The following ZFAT variants were observed in gnomAD, a reference collection of about 807,000 sequenced individuals.
The protein encoded by ZFAT is zinc finger protein ZFAT.
Under a neutral mutation model 117.7 loss-of-function variants are expected in ZFAT, and 64 were observed. That is an observed-to-expected ratio of 0.54 (90% CI 0.44 to 0.67). ZFAT has a LOEUF of 0.67. Ranked by LOEUF, ZFAT falls within the 30% of genes least tolerant of loss-of-function variation. The probability of loss-of-function intolerance (pLI) is 0.00; values close to 1 mark genes in which losing one functional copy is unlikely to be tolerated. For missense variants in ZFAT, 1,433 were observed against 1,584.5 expected (o/e 0.90, Z 1.62); for synonymous variants, 679 against 615.0 (o/e 1.10, Z -1.54).
At chr8:134,818,824 G>A in the ZFAT span, among the ~76,000 whole-genome samples, 1 of 152,190 alleles carries the variant, frequency 6.6e-6, no homozygotes, top group Non-Finnish European at 1.5e-5. Flanking sequence ...ATAATGCTGG[G>A]TGAAAGTAGC....
the ZFAT span, among the ~76,000 whole-genome samples, chr8:134,749,693 C>T: frequency 5.6e-4 from 85 of 152,236 alleles, no homozygotes; most frequent in Admixed American, 3.6e-3. Context: ...TCAATGTTTC[C>T]AATATGAACA....
At chr8:134,736,175 A>G in the ZFAT span, among the ~76,000 whole-genome samples, 2 of 152,104 alleles carry the variant, frequency 1.3e-5, no homozygotes, top group Non-Finnish European at 2.9e-5. Flanking sequence ...CAGTTACTAA[A>G]ATGGAAGTAC....
intron 12 of ZFAT, among the ~76,000 whole-genome samples, chr8:134,523,339 T>C (rs1480125760): frequency 6.6e-6 from 1 of 152,140 alleles, no homozygotes; most frequent in Non-Finnish European, 1.5e-5. Flanking sequence ...AACTAATGAC[T>C]TTCCTATTTG....
chr8:134,549,938 C>T (rs1586689480), intron 11 of ZFAT, among the ~76,000 whole-genome samples: 1 of 152,080 alleles, frequency 6.6e-6, no homozygotes, highest in Non-Finnish European at 1.5e-5. Flanking sequence ...AAGAGGCCCT[C>T]GGACCTCTTC....
chr8:134,566,106 G>GGTTTTA (rs1824440804), intron 10 of ZFAT, among the ~76,000 whole-genome samples: 1 of 152,114 alleles, frequency 6.6e-6, no homozygotes, highest in Non-Finnish European at 1.5e-5. Flanking sequence ...AAAAGATTAA[G>GGTTTTA]GTTTTAGGCC....
intron 1 of ZFAT, among the ~76,000 whole-genome samples, chr8:134,694,403 G>A (rs1297712868): frequency 1.3e-5 from 2 of 152,226 alleles, no homozygotes; most frequent in Non-Finnish European, 2.9e-5. Context: ...CCAAATGGCT[G>A]AGACAGAGGA....
At chr8:134,776,520 GTTT>G in the ZFAT span, among the ~76,000 whole-genome samples, 16 of 152,056 alleles carry the variant, frequency 1.1e-4, no homozygotes, top group African/African-American at 3.9e-4. Flanking sequence ...CCGAGGCTTC[GTTT>G]TTTGTTGTTG....
At chr8:134,692,581 C>T (rs1297307013) in intron 1 of ZFAT, among the ~76,000 whole-genome samples, 5 of 152,210 alleles carry the variant, frequency 3.3e-5, no homozygotes, top group Admixed American at 3.3e-4. Context: ...CAAAATTCAC[C>T]TAGTCAAAGG....
chr8:134,776,413 C>A, the ZFAT span, among the ~76,000 whole-genome samples: 1 of 152,220 alleles, frequency 6.6e-6, no homozygotes, highest in Admixed American at 6.5e-5. Context: ...AAGCGATTCT[C>A]CCACCTCAGC....
At chr8:134,816,059 T>G in the ZFAT span, among the ~76,000 whole-genome samples, 1 of 152,312 alleles carries the variant, frequency 6.6e-6, no homozygotes, top group South Asian at 2.1e-4. Context: ...AAATATTTAC[T>G]GAATAAATAA....
chr8:134,479,227 A>ATTC (rs2129986227), intron 15 of ZFAT, among the ~76,000 whole-genome samples: 1 of 152,330 alleles, frequency 6.6e-6, no homozygotes, highest in African/African-American at 2.4e-5. Flanking sequence ...TCACACTAGG[A>ATTC]AGGAGCAGAC....
intron 5 of ZFAT, among the ~76,000 whole-genome samples, chr8:134,603,303 G>A (rs966819315): frequency 1.4e-4 from 21 of 152,288 alleles, no homozygotes; most frequent in African/African-American, 4.6e-4. Flanking sequence ...AAAGAGGGAG[G>A]CAAGAGAAGG....
chr8:134,643,728 C>T (rs571927629), intron 2 of ZFAT, among the ~76,000 whole-genome samples: 12 of 152,276 alleles, frequency 7.9e-5, no homozygotes, highest in African/African-American at 2.4e-4. Flanking sequence ...GCCCTGAGCA[C>T]GTTTTATGTT....
At chr8:134,695,816 A>C (rs10108317) in intron 1 of ZFAT, among the ~76,000 whole-genome samples, 120,952 of 137,404 alleles carry the variant, frequency 0.88, 53,024 homozygotes, top group African/African-American at 0.94. Flanking sequence ...CCAGGCCCTG[A>C]CTGCGTCTCT....
the ZFAT span, among the ~76,000 whole-genome samples, chr8:134,774,332 A>G: frequency 2.0e-5 from 3 of 152,184 alleles, no homozygotes; most frequent in African/African-American, 4.8e-5. Context: ...TATTGTAGGT[A>G]AAATGGTATC....
chr8:134,664,889 T>C (rs757352739), intron 1 of ZFAT, among the ~76,000 whole-genome samples: 15 of 152,232 alleles, frequency 9.9e-5, no homozygotes, highest in Non-Finnish European at 1.9e-4. Context: ...AAATGACATA[T>C]TCAGCACAAA....
the ZFAT span, chr8:134,797,836 A>G: frequency 2.6e-5 from 4 of 152,006 alleles, no homozygotes; most frequent in South Asian, 8.3e-4. Context: ...AATTAAAAAA[A>G]TAAAAATACC....
At chr8:134,650,378 A>T (rs1831169283) in intron 2 of ZFAT, among the ~76,000 whole-genome samples, 1 of 152,044 alleles carries the variant, frequency 6.6e-6, no homozygotes, top group Non-Finnish European at 1.5e-5. Context: ...CGCCCACCTC[A>T]GCTTCCCAAA....
Position 134,478,789 on chromosome 8 carries a change from A to T in ZFAT, c.3493-68T>A, listed in dbSNP as rs1360177214. 2.2e-5 allele frequency: 34 copies of T among 1,512,964 alleles called. No individual in the cohort carries two copies. The highest frequency in any genetic ancestry group is 8.8e-7 in the Non-Finnish European group (1 of 1,130,160). 93.7% of individuals were successfully genotyped at this position (1,512,964 alleles called of 1,614,324 possible). A position where few individuals can be genotyped will look rare whatever the true frequency, so the allele number is the denominator to read the frequency against. Reference sequence around the variant, plus strand: ...CCCGGTCCAGCGTAACAACAAAGTCACAACTACAGTTTAGGAGGCACCAGT... The same window carrying T: ...CCCGGTCCAGCGTAACAACAAAGTCTCAACTACAGTTTAGGAGGCACCAGT... On this transcript the variant is annotated intron_variant, in intron 15 of 15. Transcript: ENST00000377838. The surrounding 1 kb of genome is among the most constrained non-coding windows in gnomAD (Gnocchi z 5.2).
Sources: allele counts gnomAD v4.1 joint callset (sites outside exome capture counted in the v4.1 genomes callset), GRCh38; gene constraint gnomAD v4.1.1; non-coding constraint Gnocchi (gnomAD v3.1); transcripts MANE v1.5; gene names NCBI Gene and HGNC (gene_info 2026-07-23, HGNC 2026-07-21).